Variants in ABL1 observed in about 807,000 individuals in gnomAD.
ABL1 encodes ABL proto-oncogene 1, non-receptor tyrosine kinase.
A neutral mutation model predicts 94.7 loss-of-function variants in ABL1; 11 were observed. The observed-to-expected ratio is 0.12, with a 90% confidence interval of 0.07 to 0.19. ABL1 has a LOEUF of 0.19. Among genes scored for constraint, ABL1 ranks in the 10% least tolerant of loss-of-function variants. ABL1 has a pLI of 1.00. For missense variants in ABL1, 1,082 were observed against 1,489.4 expected (o/e 0.73, Z 4.50); for synonymous variants, 656 against 622.4 (o/e 1.05, Z -0.80).
intron 1 of ABL1, among the ~76,000 whole-genome samples, chr9:130,795,047 A>G (rs1483036409): frequency 6.6e-6 from 1 of 152,166 alleles, no homozygotes; most frequent in Non-Finnish European, 1.5e-5. Context: ...CCGTTTCTTC[A>G]GCACTGCTTG....
At chr9:130,853,507 T>G (rs900051588) in intron 1 of ABL1, among the ~76,000 whole-genome samples, 3 of 150,742 alleles carry the variant, frequency 2.0e-5, no homozygotes, top group Non-Finnish European at 4.4e-5. Context: ...CTCCACCTCC[T>G]GGGTTCAAGC....
chr9:130,759,054 C>CT (rs1049785647), intron 1 of ABL1, among the ~76,000 whole-genome samples: 1 of 152,140 alleles, frequency 6.6e-6, no homozygotes, highest in East Asian at 1.9e-4. Context: ...ATAAAATCCA[C>CT]TTTTTGTCGC....
chr9:130,742,578 G>C (rs1831833464), intron 1 of ABL1, among the ~76,000 whole-genome samples: 2 of 152,082 alleles, frequency 1.3e-5, no homozygotes, highest in Admixed American at 1.3e-4. Context: ...TGGTAACTTT[G>C]GTAATTTGGT....
At chr9:130,723,725 C>T (rs1050324057) in intron 1 of ABL1, among the ~76,000 whole-genome samples, 1 of 152,074 alleles carries the variant, frequency 6.6e-6, no homozygotes, top group Non-Finnish European at 1.5e-5. Context: ...CATATACTTC[C>T]TAGTAGTATT....
chr9:130,825,636 T>C (rs1830415729), intron 1 of ABL1, among the ~76,000 whole-genome samples: 1 of 152,262 alleles, frequency 6.6e-6, no homozygotes, highest in South Asian at 2.1e-4. Flanking sequence ...TTTATAGATA[T>C]CTTAATCTTC....
intron 1 of ABL1, among the ~76,000 whole-genome samples, chr9:130,760,672 T>C (rs929697000): frequency 5.3e-5 from 8 of 152,110 alleles, no homozygotes; most frequent in Non-Finnish European, 1.2e-4. Context: ...CCCCCACTTT[T>C]TTTTTTTTTG....
At chr9:130,767,245 A>G (rs1327145962) in intron 1 of ABL1, among the ~76,000 whole-genome samples, 1 of 152,202 alleles carries the variant, frequency 6.6e-6, no homozygotes, top group Non-Finnish European at 1.5e-5. Flanking sequence ...TCAATTATTG[A>G]TAGATCTGTT....
At chr9:130,730,440 C>G (rs2132692205) in intron 1 of ABL1, among the ~76,000 whole-genome samples, 1 of 152,222 alleles carries the variant, frequency 6.6e-6, no homozygotes, top group Admixed American at 6.5e-5. Flanking sequence ...GGTTAAGCAC[C>G]TTTTCATATG....
In ABL1 at chr9:130,798,966, C is replaced by CAAAAAAAAAAAAAAA. The variant is rs71389357; in HGVS notation, c.137-55094_137-55080dup. Among the ~76,000 whole-genome samples the CAAAAAAAAAAAAAAA allele has an allele frequency of 2.1e-4, 14 of 66,824 alleles. 1 individual carries two copies. The highest frequency in any genetic ancestry group is 3.5e-4 in the Admixed American group (2 of 5,748). 43.8% of individuals were successfully genotyped at this position (66,824 alleles called of 152,430 possible). A position where few individuals can be genotyped will look rare whatever the true frequency, so the allele number is the denominator to read the frequency against. On this transcript the variant is annotated intron_variant, in intron 1 of 10. Coordinates refer to the ABL1 transcript ENST00000372348. ...AGCCTGGGTGGCAGAGACTCCGTCT[C>CAAAAAAAAAAAAAAA]AAAAAAAAAAAAAAAAAAGAATTGG...
chr9:130,875,351 C>T (rs1322842755), intron 7 of ABL1, among the ~76,000 whole-genome samples: 3 of 152,064 alleles, frequency 2.0e-5, no homozygotes, highest in Non-Finnish European at 2.9e-5. Context: ...CCATGTTGGC[C>T]AGGCTGGTCT....
chr9:130,792,783 A>T (rs1329112490), intron 1 of ABL1, among the ~76,000 whole-genome samples: 1 of 152,154 alleles, frequency 6.6e-6, no homozygotes, highest in African/African-American at 2.4e-5. Flanking sequence ...AGGTTAAATG[A>T]CTTGCCTGTA....
At chr9:130,743,515 AT>A (rs1371308759) in intron 1 of ABL1, among the ~76,000 whole-genome samples, 2 of 152,194 alleles carry the variant, frequency 1.3e-5, no homozygotes, top group Admixed American at 6.5e-5. Context: ...GTGGCTATAG[AT>A]TCTAGCCCTG....
At chr9:130,821,641 T>G (rs1830364172) in intron 1 of ABL1, among the ~76,000 whole-genome samples, 1 of 151,848 alleles carries the variant, frequency 6.6e-6, no homozygotes, top group Non-Finnish European at 1.5e-5. Context: ...TAGGGTAGAT[T>G]TCTAGAAGTA....
intron 8 of ABL1, 29 bp downstream of exon 8, chr9:130,878,596 G>C (rs201144648): frequency 1.2e-6 from 2 of 1,608,560 alleles, no homozygotes; most frequent in East Asian, 4.5e-5. Context: ...GTTCTCACGA[G>C]TATATGTGGG....
intron 1 of ABL1, among the ~76,000 whole-genome samples, chr9:130,806,379 A>C (rs1830125720): frequency 6.6e-6 from 1 of 152,210 alleles, no homozygotes; most frequent in Non-Finnish European, 1.5e-5. Context: ...GAGTCAATCC[A>C]AGGTGATTTA....
At chr9:130,741,839 G>A (rs574078119) in intron 1 of ABL1, among the ~76,000 whole-genome samples, 3 of 152,290 alleles carry the variant, frequency 2.0e-5, no homozygotes, top group East Asian at 3.9e-4. Flanking sequence ...AAAAACAGGA[G>A]CAAGATAAGA....
chr9:130,859,722 C>T (rs753852366), intron 3 of ABL1, among the ~76,000 whole-genome samples: 1 of 136,132 alleles, frequency 7.3e-6, no homozygotes, highest in Non-Finnish European at 1.5e-5. Context: ...AGGCTGTCAC[C>T]CAGGCTGGAG....
chr9:130,716,415 C>T (rs1336709763), intron 1 of ABL1, among the ~76,000 whole-genome samples: 1 of 151,936 alleles, frequency 6.6e-6, no homozygotes, highest in African/African-American at 2.4e-5. Flanking sequence ...CTGGACAATA[C>T]CTTGATGAAG....
chr9:130,843,288 G>T (rs549723920), intron 1 of ABL1, among the ~76,000 whole-genome samples: 2 of 152,302 alleles, frequency 1.3e-5, no homozygotes, highest in African/African-American at 4.8e-5. Context: ...CAGAAGAGAA[G>T]GCGTGGCATA....
Sources: gnomAD v4.1 joint callset for allele counts (sites outside exome capture counted in the v4.1 genomes callset) on GRCh38, gnomAD v4.1.1 for gene constraint, MANE v1.5 for transcripts, NCBI Gene and HGNC (gene_info 2026-07-23, HGNC 2026-07-21) for gene names.